RANBP2: variants seen among roughly 807,000 people sequenced by gnomAD.
The protein encoded by RANBP2 is RAN binding protein 2, also known as E3 SUMO-protein ligase RanBP2.
Under a neutral mutation model 303.6 loss-of-function variants are expected in RANBP2, and 57 were observed. The ratio of observed to expected loss-of-function variants is 0.19; its 90% CI spans 0.15 to 0.23. RANBP2 has a LOEUF of 0.23. Among genes scored for constraint, RANBP2 ranks in the 10% least tolerant of loss-of-function variants. The pLI is 1.00. For missense variants in RANBP2, 3,138 were observed against 3,780.8 expected (o/e 0.83, Z 4.46); for synonymous variants, 1,167 against 1,301.5 (o/e 0.90, Z 2.23).
the RANBP2 span, among the ~76,000 whole-genome samples, chr2:108,791,094 T>G: frequency 6.6e-6 from 1 of 152,160 alleles, no homozygotes; most frequent in African/African-American, 2.4e-5. Flanking sequence ...GATTACATGT[T>G]GAAATGATAA....
the RANBP2 span, among the ~76,000 whole-genome samples, chr2:109,258,815 C>G: frequency 6.6e-6 from 1 of 152,230 alleles, no homozygotes; most frequent in Non-Finnish European, 1.5e-5. Flanking sequence ...CAGGTCAGAG[C>G]AGGACCCATC....
chr2:109,199,602 T>TCAACCCGAGTGCA, the RANBP2 span, among the ~76,000 whole-genome samples: 2 of 340 alleles, frequency 5.9e-3, no homozygotes, highest in Admixed American at 0.031. Context: ...TGGAATGGAA[T>TCAACCCGAGTGCA]GGAATGGAAT....
At chr2:109,549,869 A>G in the RANBP2 span, among the ~76,000 whole-genome samples, 203 of 152,294 alleles carry the variant, frequency 1.3e-3, 1 homozygote, top group Non-Finnish European at 1.5e-4. Flanking sequence ...TTTCTCTCTC[A>G]AAATATCTTA....
chr2:108,995,980 A>G, the RANBP2 span, among the ~76,000 whole-genome samples: 1 of 152,234 alleles, frequency 6.6e-6, no homozygotes. Flanking sequence ...GCAGTTTCTC[A>G]TTATGAAAAA....
At chr2:109,114,075 A>G in the RANBP2 span, among the ~76,000 whole-genome samples, 16 of 152,158 alleles carry the variant, frequency 1.1e-4, no homozygotes, top group African/African-American at 3.9e-4. Flanking sequence ...ATGTTCATCA[A>G]GGATATTGGT....
At chr2:109,498,247 T>C in the RANBP2 span, among the ~76,000 whole-genome samples, 38,853 of 152,058 alleles carry the variant, frequency 0.26, 5,324 homozygotes, top group East Asian at 0.51. Context: ...GTAGATGCTC[T>C]GAGACACTTA....
At chr2:109,327,827 T>C in the RANBP2 span, among the ~76,000 whole-genome samples, 1 of 152,376 alleles carries the variant, frequency 6.6e-6, no homozygotes, top group African/African-American at 2.4e-5. Context: ...CACTTCCCAG[T>C]GTTCCTGTTT....
At chr2:108,743,268 A>G (rs1487257459) in intron 7 of RANBP2, among the ~76,000 whole-genome samples, 1 of 151,924 alleles carries the variant, frequency 6.6e-6, no homozygotes, top group African/African-American at 2.4e-5. Flanking sequence ...CACAGCCTAA[A>G]ATTTTTTGAT....
chr2:109,450,866 T>C, the RANBP2 span, among the ~76,000 whole-genome samples: 1 of 152,262 alleles, frequency 6.6e-6, no homozygotes, highest in Non-Finnish European at 1.5e-5. Context: ...GCAGATCTTT[T>C]GACATCTTTC....
the RANBP2 span, among the ~76,000 whole-genome samples, chr2:109,202,001 A>ACACAGGCACAGAACCTAGGC: frequency 1.3e-5 from 2 of 152,332 alleles, no homozygotes; most frequent in East Asian, 1.9e-4. Context: ...AGGAAACGGG[A>ACACAGGCACAGAACCTAGGC]CACAGGCACA....
chr2:109,376,186 C>T, the RANBP2 span, among the ~76,000 whole-genome samples: 1 of 152,262 alleles, frequency 6.6e-6, no homozygotes, highest in South Asian at 2.1e-4. Context: ...CATTCCTGAG[C>T]ACTGAACACA....
At chr2:109,398,537 G>A in the RANBP2 span, 1 of 1,449,986 alleles carries the variant, frequency 6.9e-7, no homozygotes, top group Non-Finnish European at 9.3e-7. Flanking sequence ...GAGGGCTGGT[G>A]TGGCATGTGA....
chr2:109,116,986 C>G, the RANBP2 span, among the ~76,000 whole-genome samples: 1 of 152,202 alleles, frequency 6.6e-6, no homozygotes, highest in East Asian at 1.9e-4. Flanking sequence ...GATTGTTCGT[C>G]TGGAAGTTTT....
chr2:108,815,823 C>T, the RANBP2 span: 17 of 839,388 alleles, frequency 2.0e-5, no homozygotes, highest in Middle Eastern at 7.5e-4. Context: ...CTGTCCTTAA[C>T]ACATTTTAGT....
the RANBP2 span, chr2:109,667,814 C>T: frequency 5.4e-6 from 1 of 186,784 alleles, no homozygotes; most frequent in Non-Finnish European, 1.2e-5. Context: ...GTACAGTGTG[C>T]AGTCAGAGGG....
chr2:109,142,681 G>T, the RANBP2 span, among the ~76,000 whole-genome samples: 1 of 152,300 alleles, frequency 6.6e-6, no homozygotes, highest in South Asian at 2.1e-4. Context: ...CACCTGTGAG[G>T]TCAACTGAGC....
chr2:109,200,404 T>C, the RANBP2 span, among the ~76,000 whole-genome samples: 1 of 152,186 alleles, frequency 6.6e-6, no homozygotes, highest in Non-Finnish European at 1.5e-5. Flanking sequence ...TCTTTCTCTC[T>C]TTCCCTCCAT....
chr2:108,884,277 G>T, the RANBP2 span: 1 of 152,164 alleles, frequency 6.6e-6, no homozygotes, highest in South Asian at 2.1e-4. Flanking sequence ...AGGGACCATG[G>T]TGCCTGGTCT....
the RANBP2 span, among the ~76,000 whole-genome samples, chr2:109,361,020 A>G: frequency 6.6e-6 from 1 of 152,112 alleles, no homozygotes; most frequent in African/African-American, 2.4e-5. Context: ...GTTTACTGAG[A>G]GTTTTTATCA....
Sources: gnomAD v4.1 joint callset for allele counts (sites outside exome capture counted in the v4.1 genomes callset) on GRCh38, gnomAD v4.1.1 for gene constraint, MANE v1.5 for transcripts, NCBI Gene and HGNC (gene_info 2026-07-23, HGNC 2026-07-21) for gene names.